Variants in ZNF487 observed in about 807,000 individuals in gnomAD.
ZNF487 encodes KRAB domain only 1.
In ZNF487, 4 loss-of-function variants were observed where a neutral mutation model predicts 3.0. That is an observed-to-expected ratio of 1.35 (90% CI 0.66 to 3.08). The LOEUF (loss-of-function observed/expected upper bound fraction) is 3.08. Among genes scored for constraint, ZNF487 ranks in the 30% most tolerant of loss-of-function variants. The pLI is 0.01. For synonymous variants in ZNF487, 55 were observed against 34.6 expected, an observed-to-expected ratio of 1.59 and a Z score of -2.06; for missense variants, 146 against 98.7, an observed-to-expected ratio of 1.48 and a Z score of -2.03.
downstream of ZNF487, among the ~76,000 whole-genome samples, chr10:43,484,177 C>T (rs1278314490): frequency 1.3e-5 from 2 of 152,074 alleles, no homozygotes; most frequent in Non-Finnish European, 2.9e-5. Flanking sequence ...CCTTTATTCT[C>T]ACCTTAGAAT....
chr10:43,483,121 T>C lies in ZNF487; in HGVS notation c.*1199T>C, dbSNP rs1010670424. 2.2e-6 allele frequency: 1 copy of C among 456,248 alleles called. No individual in the cohort carries two copies. The highest frequency in any genetic ancestry group is 2.0e-5 in the African/African-American group (1 of 50,056). 28.3% of individuals were successfully genotyped at this position (456,248 alleles called of 1,614,324 possible). On this transcript the variant is annotated 3_prime_UTR_variant, in exon 4 of 4. Coordinates refer to ENST00000437590, the MANE Select transcript of ZNF487 (RefSeq NM_001355444.3). ...CCTTCACCTTCTTGGACTCGTTCCA[T>C]AGCAGAAACAACCCAGGTTGGGGTG... is the stretch of plus-strand genomic sequence containing the variant.
At chr10:43,459,359 A>G (rs1840336414) in intron 1 of ZNF487, among the ~76,000 whole-genome samples, 1 of 152,002 alleles carries the variant, frequency 6.6e-6, no homozygotes, top group Admixed American at 6.6e-5. Flanking sequence ...CCTCCCAAGT[A>G]GCCGGGACTA....
intron 1 of ZNF487, among the ~76,000 whole-genome samples, chr10:43,449,379 A>T (rs1400641644): frequency 2.6e-5 from 4 of 152,170 alleles, no homozygotes; most frequent in Non-Finnish European, 5.9e-5. Context: ...GACATACACA[A>T]GTCACAGAGA....
At chr10:43,468,873 C>T (rs1312689872) in intron 1 of ZNF487, among the ~76,000 whole-genome samples, 6 of 150,244 alleles carry the variant, frequency 4.0e-5, no homozygotes, top group Non-Finnish European at 8.9e-5. Flanking sequence ...CCTGTAGTCC[C>T]AGCTACTCGG....
the ZNF487 span, among the ~76,000 whole-genome samples, chr10:43,513,890 G>T: frequency 6.6e-6 from 1 of 152,192 alleles, no homozygotes; most frequent in Non-Finnish European, 1.5e-5. Flanking sequence ...CTCAGAGCCA[G>T]TGTCCAGCAG....
In ZNF487 at chr10:43,447,250, A is replaced by G. The variant is rs1370061971; in HGVS notation, c.-94+9988A>G. Among the ~76,000 whole-genome samples the G allele has an allele frequency of 2.7e-5, 4 of 149,294 alleles. No homozygotes were observed. In the East Asian group the frequency reaches 5.9e-4, roughly 22 times the overall value. On this transcript the variant is annotated intron_variant, in intron 1 of 3. Transcript: ENST00000437590. ...ACGGAGAGGGGAGAGGGAGAACAACATTTTTTTTTTGAGACAGAGTCTCGC... is the reference window on the plus strand; with the variant it reads ...ACGGAGAGGGGAGAGGGAGAACAACGTTTTTTTTTTGAGACAGAGTCTCGC...
chr10:43,479,966 C>CTTTTCTTTTCT (rs762122329), intron 3 of ZNF487, among the ~76,000 whole-genome samples: 2 of 48,164 alleles, frequency 4.2e-5, no homozygotes, highest in African/African-American at 4.5e-5. Flanking sequence ...CTCTTTCTTT[C>CTTTTCTTTTCT]TTTCTTTTCT....
At chr10:43,498,125 T>A in the ZNF487 span, among the ~76,000 whole-genome samples, 209 of 29,730 alleles carry the variant, frequency 7.0e-3, 4 homozygotes, top group Non-Finnish European at 9.6e-3. Context: ...TTTTTTTTTT[T>A]TTTTTTTTTT....
rs140455935 is a variant in ZNF487, at chr10:43,479,687, G to A, written c.131-1742G>A. Reference sequence around the variant, plus strand: ...TTTTGAGATGGAGTCTCACTCTGTTGCCCAGGCTGGACTGGAGTGGTGTGA... The same window carrying A: ...TTTTGAGATGGAGTCTCACTCTGTTACCCAGGCTGGACTGGAGTGGTGTGA... On this transcript the variant is annotated intron_variant, in intron 3 of 3. Coordinates refer to ENST00000437590, the MANE Select transcript of ZNF487 (RefSeq NM_001355444.3). 6.1e-3 allele frequency among the ~76,000 whole-genome samples: 927 copies of A among 152,010 alleles called. 9 individuals are homozygous for A. Among genetic ancestry groups the A allele is most frequent in the African/African-American group, 0.018 (735 of 41,464 alleles).
chr10:43,503,019 C>A, the ZNF487 span, among the ~76,000 whole-genome samples: 1 of 111,672 alleles, frequency 9.0e-6, no homozygotes, highest in South Asian at 3.3e-4. Flanking sequence ...GACAGTGAGA[C>A]CCTGTCTCAA....
At chr10:43,504,930 T>G in the ZNF487 span, among the ~76,000 whole-genome samples, 2 of 151,722 alleles carry the variant, frequency 1.3e-5, no homozygotes, top group African/African-American at 4.8e-5. Context: ...GGTCTCAAAC[T>G]CCCGAGCTCA....
chr10:43,487,002 T>C (rs1841476679), downstream of ZNF487, among the ~76,000 whole-genome samples: 1 of 152,206 alleles, frequency 6.6e-6, no homozygotes, highest in Non-Finnish European at 1.5e-5. Context: ...AACAAACGTG[T>C]AACATAGATA....
chr10:43,438,816 C>T (rs990487760), intron 1 of ZNF487, among the ~76,000 whole-genome samples: 8 of 152,156 alleles, frequency 5.3e-5, no homozygotes, highest in Non-Finnish European at 1.0e-4. Context: ...TGCAGCGGCT[C>T]ATGCTGGTAA....
chr10:43,491,202 C>G, the ZNF487 span, among the ~76,000 whole-genome samples: 11 of 150,094 alleles, frequency 7.3e-5, no homozygotes, highest in African/African-American at 2.7e-4. Flanking sequence ...TCAAACTCCT[C>G]ACCTTAGGTG....
chr10:43,499,306 A>G, the ZNF487 span, among the ~76,000 whole-genome samples: 1 of 152,234 alleles, frequency 6.6e-6, no homozygotes, highest in Non-Finnish European at 1.5e-5. Flanking sequence ...ACCCCTGACC[A>G]AAAAAATAAA....
At chr10:43,523,474 C>A in the ZNF487 span, 1 of 152,288 alleles carries the variant, frequency 6.6e-6, no homozygotes, top group Middle Eastern at 3.4e-3. Context: ...ATAGAAACTC[C>A]TTTGGAAGGA....
At chr10:43,455,868 G>C (rs946257751) in intron 1 of ZNF487, among the ~76,000 whole-genome samples, 3 of 152,222 alleles carry the variant, frequency 2.0e-5, no homozygotes, top group Admixed American at 1.3e-4. Flanking sequence ...TGGGGACTAC[G>C]GGGACGCTTC....
At chr10:43,480,056 T>G (rs1340230412) in intron 3 of ZNF487, among the ~76,000 whole-genome samples, 8 of 149,766 alleles carry the variant, frequency 5.3e-5, no homozygotes, top group Non-Finnish European at 7.4e-5. Context: ...TTTCTTTCTT[T>G]CTTCCTTGCT....
At chr10:43,501,739 C>G in the ZNF487 span, among the ~76,000 whole-genome samples, 1 of 149,662 alleles carries the variant, frequency 6.7e-6, no homozygotes, top group South Asian at 2.1e-4. Context: ...GAGACCCTGT[C>G]TCAAAAAAAA....
Sources: gnomAD v4.1 joint callset for allele counts (sites outside exome capture counted in the v4.1 genomes callset) on GRCh38, gnomAD v4.1.1 for gene constraint, MANE v1.5 for transcripts, NCBI Gene and HGNC (gene_info 2026-07-23, HGNC 2026-07-21) for gene names.